The following STAC3 variants were observed in gnomAD, a reference collection of about 807,000 sequenced individuals.
STAC3 encodes SH3 and cysteine-rich domain-containing protein 3.
In STAC3, 30 loss-of-function variants were observed where a neutral mutation model predicts 48.5. The ratio of observed to expected loss-of-function variants is 0.62; its 90% CI spans 0.46 to 0.84. The LOEUF is 0.84. Ranked by LOEUF, STAC3 falls within the 40% of genes least tolerant of loss-of-function variation. The pLI, the probability that STAC3 is intolerant of heterozygous loss-of-function variation, is 0.00. For synonymous variants in STAC3, 144 were observed against 158.6 expected (o/e 0.91, Z 0.69); for missense variants, 419 against 462.6 (o/e 0.91, Z 0.86).
At chr12:57,250,097 A>G (rs2037866434) in intron 1 of STAC3, among the ~76,000 whole-genome samples, 1 of 152,138 alleles carries the variant, frequency 6.6e-6, no homozygotes, top group South Asian at 2.1e-4. Context: ...GTCTAGAAAA[A>G]AGCTTAACAT....
intron 6 of STAC3, among the ~76,000 whole-genome samples, chr12:57,246,373 CCTTT>C (rs1270854594): frequency 3.5e-5 from 5 of 143,752 alleles, no homozygotes; most frequent in Non-Finnish European, 6.0e-5. Context: ...TTCCTTCCTT[CCTTT>C]CCTTCCTTCC....
In STAC3 at chr12:57,248,703, C is replaced by T. The variant is rs754506988; in HGVS notation, c.432+3G>A. The T allele has an allele frequency of 1.2e-6, 2 of 1,612,696 alleles. No individual in the cohort carries two copies. The highest frequency in any genetic ancestry group is 1.7e-6 in the Non-Finnish European group (2 of 1,179,198). The stretch of plus-strand genomic sequence containing the variant: ...CCCTCCTTGCTCTCCACAGCCTACT[C>T]ACGATCTTGCCGAAGCATCTCTGCA... On this transcript the variant is annotated splice_donor_region_variant and intron_variant, in intron 4 of 11. Transcript: ENST00000332782.
intron 5 of STAC3, among the ~76,000 whole-genome samples, chr12:57,247,419 A>ATT (rs1360362639): frequency 4.7e-4 from 42 of 88,634 alleles, no homozygotes; most frequent in African/African-American, 2.0e-3. Flanking sequence ...TATTATTATT[A>ATT]TTATTATTAT....
Position 57,245,141 on chromosome 12 carries a change from TC to T in STAC3, c.670+3del, listed in dbSNP as rs1236144994. On this transcript the variant is annotated splice_donor_region_variant and intron_variant, in intron 7 of 11. Transcript: ENST00000332782. Reference sequence around the variant, plus strand: ...ATCTCTGGATGGAGGTGGGTAACACTCACCATCCTGGGGTTTGCCTTCCTCT... The same window carrying T: ...ATCTCTGGATGGAGGTGGGTAACACTACCATCCTGGGGTTTGCCTTCCTCT... 1.9e-5 allele frequency: 31 copies of T among 1,613,654 alleles called. No homozygotes were observed. Among genetic ancestry groups the T allele is most frequent in the Non-Finnish European group, 2.6e-5 (31 of 1,179,764 alleles).
At chr12:57,244,064 G>A (rs764385676) in intron 11 of STAC3, 24 bp downstream of exon 11, 3 of 1,614,056 alleles carry the variant, frequency 1.9e-6, no homozygotes, top group Middle Eastern at 1.6e-4. Context: ...TCAGGCCTGG[G>A]ATTGGGTTGG....
At chr12:57,244,425 C>A (rs895993420) in intron 9 of STAC3, 59 bp from the exon 10 acceptor site, 1 of 1,612,454 alleles carries the variant, frequency 6.2e-7, no homozygotes, top group South Asian at 1.1e-5. Context: ...TGCCCCGGGT[C>A]CAGCATCAAT....
chr12:57,249,111 C>A lies in STAC3; in HGVS notation c.264G>T (p.Lys88Asn), dbSNP rs200362421. Reference protein sequence around the residue: ...PPEPPKLVNDKPHKFKDHFFK... With the variant: ...PPEPPKLVNDNPHKFKDHFFK... ...AGAAGTGATCTTTGAATTTGTGGGG[C>A]TTATCGTTGACCAGCTTAGGAGGTT... is the stretch of plus-strand genomic sequence containing the variant. Residue 88 changes from lysine (K) to asparagine (N), a missense_variant, in exon 3 of 12, where the codon AAG becomes AAT. By Grantham distance (94) the Lys-to-Asn change is moderately conservative. Transcript: ENST00000332782. 1 of 1,613,176 alleles carries A rather than the reference C, an allele frequency of 6.2e-7. No individual in the cohort carries two copies. Among genetic ancestry groups the A allele is most frequent in the Non-Finnish European group, 8.5e-7 (1 of 1,179,566 alleles).
chr12:57,247,230 A>G (rs2037762464), intron 5 of STAC3, among the ~76,000 whole-genome samples: 1 of 152,034 alleles, frequency 6.6e-6, no homozygotes, highest in Non-Finnish European at 1.5e-5. Flanking sequence ...TTCTCCTTCT[A>G]AGGAGAATGG....
rs1347504412 is a variant in STAC3 at position 57,248,118 on chromosome 12, G to A, written c.505+8C>T. The stretch of plus-strand genomic sequence containing the variant: ...CCCATTCCCTCATGTTCCATAAAGG[G>A]CACTTACAGAGATCTTTGACACAAG... On this transcript the variant is annotated splice_region_variant and intron_variant, in intron 5 of 11. Coordinates refer to ENST00000332782, the MANE Select transcript of STAC3 (RefSeq NM_145064.3). 2 of 1,611,622 alleles carry A rather than the reference G, an allele frequency of 1.2e-6. No homozygotes were observed. The highest frequency in any genetic ancestry group is 2.2e-5 in the South Asian group (2 of 91,030).
chr12:57,243,770 G>C lies in STAC3; in HGVS notation c.*42C>G, dbSNP rs375325565. The C allele has an allele frequency of 4.9e-5, 77 of 1,580,242 alleles. No homozygotes were observed. In the African/African-American group the frequency reaches 7.8e-4, roughly 16 times the overall value. ...CCCCAAACTCCACTGGGCCCGCCCA[G>C]AATGGGGTGTGGGTGTCTCCCGCTT... On this transcript the variant is annotated 3_prime_UTR_variant, in exon 12 of 12. Transcript: ENST00000332782.
intron 3 of STAC3, 41 bp downstream of exon 3, chr12:57,249,000 C>T (rs2037833407): frequency 6.4e-7 from 1 of 1,562,606 alleles, no homozygotes; most frequent in African/African-American, 1.4e-5. Flanking sequence ...CAAACCTCTG[C>T]CTTCAATATC....
At chr12:57,250,373 G>A (rs1252837262) in intron 1 of STAC3, among the ~76,000 whole-genome samples, 2 of 110,140 alleles carry the variant, frequency 1.8e-5, no homozygotes, top group Non-Finnish European at 3.3e-5. Flanking sequence ...CTGGGTGACA[G>A]AGCAAGACTT....
At chr12:57,245,350 T>C in intron 6 of STAC3, 139 bp from the exon 7 acceptor site, 5 of 739,434 alleles carry the variant, frequency 6.8e-6, no homozygotes, top group Non-Finnish European at 1.1e-5. Context: ...AAATATCTAG[T>C]TCAGCCATCT....
At chr12:57,245,004 A>C in intron 7 of STAC3, 39 bp from the exon 8 acceptor site, 1 of 1,612,788 alleles carries the variant, frequency 6.2e-7, no homozygotes, top group Middle Eastern at 1.7e-4. Context: ...TGTCTCCTGG[A>C]GGGCAATTCT....
intron 9 of STAC3, 37 bp downstream of exon 9, chr12:57,244,500 C>T: frequency 2.5e-6 from 4 of 1,613,576 alleles, no homozygotes; most frequent in Non-Finnish European, 2.5e-6. Context: ...TTCCTCTTCA[C>T]TCCGCAGTAC....
Position 57,249,055 on chromosome 12 carries a change from G to C in STAC3, c.320C>G (p.Ala107Gly), listed in dbSNP as rs1487316158. The change falls in exon 3 of 12, where the codon GCC (alanine) becomes GGC (glycine). Residue 107 changes from alanine (A) to glycine (G), a missense_variant. Transcript: ENST00000332782. ...TCATGACTCACGAACAATCATCCGG[G>C]CACAGACATCACAGAACTTTGGCTT... The part of the protein sequence containing the change: ...FKKPKFCDVC[A>G]RMIVLNNKFG... 3.8e-6 allele frequency: 6 copies of C among 1,596,086 alleles called. No homozygotes were observed. Among genetic ancestry groups the C allele is most frequent in the Non-Finnish European group, 4.3e-6 (5 of 1,170,374 alleles).
chr12:57,250,511 A>G (rs2037876536), intron 1 of STAC3, among the ~76,000 whole-genome samples: 1 of 151,628 alleles, frequency 6.6e-6, no homozygotes, highest in South Asian at 2.1e-4. Flanking sequence ...GCCCTTACAC[A>G]GTGTTCAAAG....
chr12:57,249,092 G>T lies in STAC3; in HGVS notation c.283C>A (p.His95Asn). ...VNDKPHKFKD[H>N]FFKKPKFCDV... is the part of the protein sequence containing the mutation. ...CAGAACTTTGGCTTCTTGAAGAAGT[G>T]ATCTTTGAATTTGTGGGGCTTATCG... is the stretch of plus-strand genomic sequence containing the variant. Residue 95 changes from histidine (H) to asparagine (N), a missense_variant, in exon 3 of 12, where the codon CAC becomes AAC. His to Asn is a moderately conservative substitution (Grantham distance 68). Coordinates refer to ENST00000332782, the MANE Select transcript of STAC3 (RefSeq NM_145064.3). 1 of 1,611,476 alleles carries T rather than the reference G, an allele frequency of 6.2e-7. No individual in the cohort carries two copies. Among genetic ancestry groups the T allele is most frequent in the Non-Finnish European group, 8.5e-7 (1 of 1,178,598 alleles).
intron 11 of STAC3, 46 bp from the exon 12 acceptor site, chr12:57,243,956 G>T: frequency 6.2e-7 from 1 of 1,609,208 alleles, no homozygotes; most frequent in South Asian, 1.1e-5. Flanking sequence ...CAAAGGAAAA[G>T]GTAGGAGAGG....
Sources: gnomAD v4.1 joint callset for allele counts (sites outside exome capture counted in the v4.1 genomes callset) on GRCh38, gnomAD v4.1.1 for gene constraint, MANE v1.5 for transcripts, NCBI Gene and HGNC (gene_info 2026-07-23, HGNC 2026-07-21) for gene names.